The following ANKS1B variants were observed in gnomAD, a reference collection of about 807,000 sequenced individuals.
ANKS1B encodes the protein ankyrin repeat and sterile alpha motif domain-containing protein 1B.
ANKS1B carries 36 observed loss-of-function variants against 148.3 expected under a neutral mutation model. The ratio of observed to expected loss-of-function variants is 0.24; its 90% CI spans 0.19 to 0.32. The LOEUF (loss-of-function observed/expected upper bound fraction) is 0.32. Among genes scored for constraint, ANKS1B ranks in the 10% least tolerant of loss-of-function variants. The pLI is 1.00. For synonymous variants in ANKS1B, 542 were observed against 560.8 expected, an observed-to-expected ratio of 0.97 and a Z score of 0.47; for missense variants, 1,157 against 1,542.6, an observed-to-expected ratio of 0.75 and a Z score of 4.19.
chr12:99,048,644 G>A (rs1365780633), intron 17 of ANKS1B: 1 of 152,634 alleles, frequency 6.6e-6, no homozygotes, highest in Admixed American at 6.5e-5. Context: ...ATGCTGAAAG[G>A]TAGTAGAAAT....
At chr12:99,708,818 T>C (rs1472331628) in intron 8 of ANKS1B, among the ~76,000 whole-genome samples, 2 of 152,124 alleles carry the variant, frequency 1.3e-5, no homozygotes, top group Non-Finnish European at 2.9e-5. Flanking sequence ...AAGGTAACAT[T>C]CACAGTTTCC....
chr12:99,931,126 G>A (rs370815090), intron 1 of ANKS1B, among the ~76,000 whole-genome samples: 1 of 152,018 alleles, frequency 6.6e-6, no homozygotes, highest in East Asian at 1.9e-4. Context: ...CTCACTCATA[G>A]GTGGAATTGA....
intron 17 of ANKS1B, among the ~76,000 whole-genome samples, chr12:98,961,170 A>T (rs1292250543): frequency 2.0e-5 from 3 of 152,218 alleles, no homozygotes; most frequent in Non-Finnish European, 4.4e-5. Flanking sequence ...AACACCAAGC[A>T]GATTTAACCC....
At chr12:99,883,617 A>G (rs1095786) in intron 1 of ANKS1B, among the ~76,000 whole-genome samples, 117,167 of 143,700 alleles carry the variant, frequency 0.82, 45,488 homozygotes, top group East Asian at 0.95. Flanking sequence ...GACTTGGGGC[A>G]GGGGGGAATC....
intron 8 of ANKS1B, among the ~76,000 whole-genome samples, chr12:99,703,643 C>T (rs1015737666): frequency 6.6e-6 from 1 of 152,094 alleles, no homozygotes; most frequent in Non-Finnish European, 1.5e-5. Flanking sequence ...CTGTTCTCCT[C>T]CCCTGGGAGA....
At chr12:99,458,159 A>G (rs115477977) in intron 10 of ANKS1B, among the ~76,000 whole-genome samples, 324 of 152,220 alleles carry the variant, frequency 2.1e-3, no homozygotes, top group African/African-American at 7.0e-3. Context: ...AAACTGAATA[A>G]CCTACTCCTG....
intron 11 of ANKS1B, among the ~76,000 whole-genome samples, chr12:99,405,770 C>T (rs1310701570): frequency 7.0e-6 from 1 of 143,112 alleles, no homozygotes; most frequent in Non-Finnish European, 1.5e-5. Context: ...AAAAAAAGAC[C>T]CAACAATCTA....
intron 22 of ANKS1B, among the ~76,000 whole-genome samples, chr12:98,796,273 T>C (rs887169798): frequency 5.3e-5 from 8 of 152,228 alleles, no homozygotes; most frequent in African/African-American, 1.9e-4. Context: ...ATGCATACTT[T>C]GAACAGAAAA....
chr12:99,964,042 C>T (rs552382027), intron 1 of ANKS1B, among the ~76,000 whole-genome samples: 2 of 152,118 alleles, frequency 1.3e-5, no homozygotes, highest in African/African-American at 4.8e-5. Flanking sequence ...AAAGAAAGAC[C>T]TTCAGCTAAA....
chr12:99,124,468 C>T (rs950045598), intron 15 of ANKS1B, among the ~76,000 whole-genome samples: 3 of 146,244 alleles, frequency 2.1e-5, no homozygotes, highest in African/African-American at 8.0e-5. Flanking sequence ...TTGTGGATGC[C>T]TTAATGTTGA....
intron 20 of ANKS1B, among the ~76,000 whole-genome samples, chr12:98,806,222 A>G (rs866303035): frequency 1.4e-4 from 22 of 152,204 alleles, no homozygotes; most frequent in African/African-American, 4.8e-4. Context: ...ATGTCAGTAG[A>G]TAATTAAAAG....
chr12:99,979,889 G>A (rs904469418), intron 1 of ANKS1B, among the ~76,000 whole-genome samples: 3 of 152,036 alleles, frequency 2.0e-5, no homozygotes, highest in African/African-American at 4.8e-5. Context: ...CTAAGTTGAA[G>A]AGAGGTGCTT....
chr12:99,523,290 G>T (rs1239931031), intron 9 of ANKS1B, among the ~76,000 whole-genome samples: 2 of 152,156 alleles, frequency 1.3e-5, no homozygotes, highest in Non-Finnish European at 2.9e-5. Context: ...CCTGTCATGT[G>T]AGAAAAGATT....
intron 1 of ANKS1B, among the ~76,000 whole-genome samples, chr12:99,829,092 T>C (rs1170568655): frequency 6.6e-6 from 1 of 152,116 alleles, no homozygotes; most frequent in Non-Finnish European, 1.5e-5. Flanking sequence ...AGGACACCGA[T>C]TTAGCAGTTC....
chr12:99,280,213 A>T lies in ANKS1B; in HGVS notation c.1757-33349T>A, dbSNP rs141518567. On this transcript the variant is annotated intron_variant, in intron 12 of 26. Coordinates refer to ENST00000683438, the MANE Select transcript of ANKS1B (RefSeq NM_001352186.2). Reference sequence around the variant, plus strand: ...GTGCATGTGTGTGTGTGAGAGAGAGAGAGAAAGAGAAAGAGAGATTGTTAT... The same window carrying T: ...GTGCATGTGTGTGTGTGAGAGAGAGTGAGAAAGAGAAAGAGAGATTGTTAT... 6.5e-4 allele frequency among the ~76,000 whole-genome samples: 99 copies of T among 151,790 alleles called. No homozygotes were observed. In the Middle Eastern group the frequency reaches 0.01, roughly 16 times the overall value.
intron 11 of ANKS1B, among the ~76,000 whole-genome samples, chr12:99,432,467 G>A (rs78746261): frequency 2.6e-5 from 4 of 152,208 alleles, no homozygotes; most frequent in African/African-American, 7.2e-5. Context: ...AAGGAAGGAA[G>A]GAGGGAGGAA....
intron 12 of ANKS1B, among the ~76,000 whole-genome samples, chr12:99,276,495 G>A (rs894853245): frequency 1.3e-5 from 2 of 152,290 alleles, no homozygotes; most frequent in Non-Finnish European, 2.9e-5. Context: ...TACACAGAGT[G>A]GAGGGCCACC....
intron 17 of ANKS1B, chr12:98,894,998 G>T: frequency 1.2e-6 from 1 of 807,794 alleles, no homozygotes; most frequent in Non-Finnish European, 1.5e-6. Flanking sequence ...GGCAGCGGCG[G>T]CGGCGGCGGC....
At chr12:99,567,219 A>T (rs2097404295) in intron 9 of ANKS1B, among the ~76,000 whole-genome samples, 1 of 152,112 alleles carries the variant, frequency 6.6e-6, no homozygotes, top group Admixed American at 6.6e-5. Flanking sequence ...GCCTCTCTCC[A>T]TAGGCAGTTT....
Sources: gnomAD v4.1 joint callset for allele counts (sites outside exome capture counted in the v4.1 genomes callset) on GRCh38, gnomAD v4.1.1 for gene constraint, MANE v1.5 for transcripts, NCBI Gene and HGNC (gene_info 2026-07-23, HGNC 2026-07-21) for gene names.